Variants in SNX14 observed in about 807,000 individuals in gnomAD.
The protein encoded by SNX14 is sorting nexin 14, also known as sorting nexin-14.
A neutral mutation model predicts 133.8 loss-of-function variants in SNX14; 93 were observed. That is an observed-to-expected ratio of 0.70 (90% CI 0.59 to 0.83). SNX14 has a LOEUF of 0.83. Among genes scored for constraint, SNX14 ranks in the 40% least tolerant of loss-of-function variants. SNX14 has a pLI of 0.00. For missense variants in SNX14, 945 were observed against 1,094.9 expected, an observed-to-expected ratio of 0.86 and a Z score of 1.93; for synonymous variants, 368 against 365.6, an observed-to-expected ratio of 1.01 and a Z score of -0.07.
At chr6:85,518,176 G>T in intron 21 of SNX14, 128 bp from the exon 22 acceptor site, 1 of 708,278 alleles carries the variant, frequency 1.4e-6, no homozygotes, top group Non-Finnish European at 2.4e-6. Context: ...ATTTATGATT[G>T]ACCATTTCAC....
In SNX14 at chr6:85,572,280, A is replaced by G; in HGVS notation, c.338+18T>C. 6.2e-7 allele frequency: 1 copy of G among 1,612,172 alleles called. No homozygotes were observed. Among genetic ancestry groups the G allele is most frequent in the East Asian group, 2.2e-5 (1 of 44,798 alleles). ...ATGTAATTAGAAGGATCAACAAATA[A>G]AAAAATATTTAACTTACCTATGTCG... On this transcript the variant is annotated intron_variant, in intron 3 of 28. Transcript: ENST00000314673.
chr6:85,558,192 A>C (rs1305791078), intron 6 of SNX14, 132 bp from the exon 7 acceptor site: 1 of 567,412 alleles, frequency 1.8e-6, no homozygotes, highest in Non-Finnish European at 3.1e-6. Flanking sequence ...ATAACACTTT[A>C]TATTCCTGCA....
intron 4 of SNX14, among the ~76,000 whole-genome samples, chr6:85,571,145 G>T (rs1795413282): frequency 6.6e-6 from 1 of 152,002 alleles, no homozygotes; most frequent in Admixed American, 6.6e-5. Context: ...GAGGTCAGGA[G>T]ATCAAGACCA....
chr6:85,508,015 T>C lies in SNX14; in HGVS notation c.2698A>G (p.Ile900Val), dbSNP rs1771347768. ...TGTAAGCCATCAAACAGAAGTCTGATGCTTTCATACTTGGTTTCTTCACCA... is the reference window on the plus strand; with the variant it reads ...TGTAAGCCATCAAACAGAAGTCTGACGCTTTCATACTTGGTTTCTTCACCA... ...CIGEETKYESIRLLFDGLQQP... is the reference protein window; with the variant it reads ...CIGEETKYESVRLLFDGLQQP... The change falls in exon 27 of 29, where the codon ATC becomes GTC. Residue 900 changes from isoleucine (I) to valine (V), a missense_variant. This residue lies in a region of SNX14 where 412 missense variants were observed against 516.6 expected (regional missense o/e 0.80). Transcript: ENST00000314673. 1 of 1,613,448 alleles carries C rather than the reference T, an allele frequency of 6.2e-7. No individual in the cohort carries two copies. Among genetic ancestry groups the C allele is most frequent in the Admixed American group, 1.7e-5 (1 of 59,976 alleles).
intron 5 of SNX14, among the ~76,000 whole-genome samples, chr6:85,566,984 G>A (rs1309213600): frequency 4.0e-5 from 6 of 151,300 alleles, no homozygotes; most frequent in Admixed American, 2.0e-4. Flanking sequence ...AGGTACTTGG[G>A]GAAAAAAAAA....
chr6:85,591,968 G>A (rs1290040163), intron 1 of SNX14, among the ~76,000 whole-genome samples: 1 of 152,176 alleles, frequency 6.6e-6, no homozygotes, highest in African/African-American at 2.4e-5. Context: ...AGCCGAGACC[G>A]CATCACTGCA....
chr6:85,507,374 G>A, intron 27 of SNX14, 85 bp from the exon 28 acceptor site: 1 of 1,151,284 alleles, frequency 8.7e-7, no homozygotes, highest in South Asian at 1.4e-5. Flanking sequence ...ATTAAAGATT[G>A]TGGTTACCTC....
chr6:85,544,616 T>C (rs1384652673), intron 12 of SNX14, among the ~76,000 whole-genome samples: 1 of 151,998 alleles, frequency 6.6e-6, no homozygotes, highest in Non-Finnish European at 1.5e-5. Flanking sequence ...CTAGGGAACA[T>C]AGTGAGACTC....
chr6:85,505,788 T>C lies in SNX14; in HGVS notation c.*179A>G, dbSNP rs1482050092. The C allele has an allele frequency of 5.1e-6, 3 of 591,374 alleles. No homozygotes were observed. The East Asian group carries it at 9.2e-5, about 18-fold the overall frequency. The allele number at this position is 591,374 out of a possible 1,614,324, so 36.6% of individuals were successfully genotyped here. On this transcript the variant is annotated 3_prime_UTR_variant, in exon 29 of 29. Transcript: ENST00000314673. Reference sequence around the variant, plus strand: ...ATCACAGCTAGCAAATGAAAGACTATGAGACTCAATCACTTTTAATCATTA... The same window carrying C: ...ATCACAGCTAGCAAATGAAAGACTACGAGACTCAATCACTTTTAATCATTA...
At chr6:85,532,399 C>T (rs1295173451) in intron 18 of SNX14, among the ~76,000 whole-genome samples, 1 of 152,204 alleles carries the variant, frequency 6.6e-6, no homozygotes, top group Non-Finnish European at 1.5e-5. Context: ...TAACTAGCTA[C>T]TCTGGGCATT....
intron 7 of SNX14, among the ~76,000 whole-genome samples, chr6:85,550,280 G>A (rs1787267028): frequency 6.6e-6 from 1 of 152,136 alleles, no homozygotes; most frequent in Non-Finnish European, 1.5e-5. Flanking sequence ...TTAGAAGCCT[G>A]CTTAGTTTGC....
At chr6:85,508,275 T>G (rs1771447597) in intron 26 of SNX14, 2 of 1,177,698 alleles carry the variant, frequency 1.7e-6, no homozygotes, top group African/African-American at 1.6e-5. Context: ...TTTTTGGAGA[T>G]TCACAATGCA....
intron 24 of SNX14, 116 bp downstream of exon 24, chr6:85,514,390 A>G: frequency 4.9e-6 from 7 of 1,431,850 alleles, no homozygotes; most frequent in Non-Finnish European, 6.6e-6. Context: ...GAATTATTAT[A>G]AAAGGTATCT....
At chr6:85,558,302 A>G (rs551240923) in intron 6 of SNX14, among the ~76,000 whole-genome samples, 1 of 152,356 alleles carries the variant, frequency 6.6e-6, no homozygotes, top group East Asian at 1.9e-4. Context: ...ACAAAATAGT[A>G]TCTTTACTCC....
chr6:85,528,471 T>C, intron 19 of SNX14, 109 bp from the exon 20 acceptor site: 1 of 649,836 alleles, frequency 1.5e-6, no homozygotes, highest in Non-Finnish European at 2.4e-6. Flanking sequence ...AATACTGCCT[T>C]GTACAGATGT....
chr6:85,517,885 T>C lies in SNX14; in HGVS notation c.2149-10A>G, dbSNP rs1775589900. On this transcript the variant is annotated splice_polypyrimidine_tract_variant and intron_variant, in intron 22 of 28. Transcript: ENST00000314673. ...CCAAATGCTGACCTTTCTGTGGTGA[T>C]AGATTATTGTAAGAAAATAAAAAAT... is the stretch of plus-strand genomic sequence containing the variant. The C allele has an allele frequency of 6.3e-7, 1 of 1,586,302 alleles. No individual in the cohort carries two copies. The highest frequency in any genetic ancestry group is 8.5e-7 in the Non-Finnish European group (1 of 1,172,126).
rs1773993812 is a variant in SNX14, at chr6:85,514,237, G to A, written c.2393-3C>T. On this transcript the variant is annotated splice_polypyrimidine_tract_variant and splice_region_variant and intron_variant, in intron 24 of 28. Coordinates refer to ENST00000314673, the MANE Select transcript of SNX14 (RefSeq NM_153816.6). ...AGGAACCTGGAAAACTACCCGTCCT[G>A]AGAAAGGATCAAATGGGATACCTCA... is the stretch of plus-strand genomic sequence containing the variant. The A allele has an allele frequency of 8.7e-6, 14 of 1,607,628 alleles. No individual in the cohort carries two copies. Among genetic ancestry groups the A allele is most frequent in the South Asian group, 2.2e-5 (2 of 89,442 alleles).
intron 27 of SNX14, 55 bp downstream of exon 27, chr6:85,507,913 T>A: frequency 7.2e-7 from 1 of 1,393,044 alleles, no homozygotes; most frequent in African/African-American, 1.4e-5. Flanking sequence ...GACACCTTAC[T>A]ACGTCGTTCA....
At chr6:85,541,221 G>GAC (rs928775147) in intron 15 of SNX14, among the ~76,000 whole-genome samples, 3 of 152,084 alleles carry the variant, frequency 2.0e-5, no homozygotes, top group African/African-American at 7.2e-5. Context: ...TCAAACTCCT[G>GAC]ACCTCAAGTG....
Sources: gnomAD v4.1 joint callset for allele counts (sites outside exome capture counted in the v4.1 genomes callset) on GRCh38, gnomAD v4.1.1 for gene constraint, gnomAD v4.1.1 regional missense constraint, MANE v1.5 for transcripts, NCBI Gene and HGNC (gene_info 2026-07-23, HGNC 2026-07-21) for gene names.